The following PDE7B variants were observed in gnomAD, a reference collection of about 807,000 sequenced individuals.
PDE7B encodes phosphodiesterase 7B.
In PDE7B, 29 loss-of-function variants were observed where a neutral mutation model predicts 56.2. The observed-to-expected ratio is 0.52, with a 90% CI of 0.38 to 0.70. The LOEUF (loss-of-function observed/expected upper bound fraction) is 0.70, where lower values mean the gene tolerates loss of function less well. Among genes scored for constraint, PDE7B ranks in the 30% least tolerant of loss-of-function variants. The pLI, the probability that PDE7B is intolerant of heterozygous loss-of-function variation, is 0.00. For synonymous variants in PDE7B, 197 were observed against 196.9 expected (o/e 1.00, Z 0.00); for missense variants, 490 against 565.0 (o/e 0.87, Z 1.35).
At chr6:136,062,428 C>T (rs1285299277) in intron 2 of PDE7B, among the ~76,000 whole-genome samples, 4 of 152,074 alleles carry the variant, frequency 2.6e-5, no homozygotes, top group African/African-American at 7.2e-5. Context: ...GTATAGAATA[C>T]ATTTTTTAAA....
At chr6:136,063,024 T>C (rs1776869695) in intron 2 of PDE7B, among the ~76,000 whole-genome samples, 1 of 152,186 alleles carries the variant, frequency 6.6e-6, no homozygotes, top group Non-Finnish European at 1.5e-5. Flanking sequence ...CTGAGACAGA[T>C]TGAGAGACAA....
chr6:135,965,804 G>C (rs1025123848), intron 2 of PDE7B, among the ~76,000 whole-genome samples: 4 of 152,102 alleles, frequency 2.6e-5, no homozygotes, highest in African/African-American at 9.7e-5. Flanking sequence ...AAGGAATGAG[G>C]ATTAGGAGAC....
intron 2 of PDE7B, among the ~76,000 whole-genome samples, chr6:136,027,545 A>C (rs899322481): frequency 6.6e-6 from 1 of 152,218 alleles, no homozygotes; most frequent in African/African-American, 2.4e-5. Context: ...GTGTGAAGTA[A>C]AAATTTCTAA....
chr6:135,950,404 T>C (rs1353925793), intron 2 of PDE7B, among the ~76,000 whole-genome samples: 1 of 152,208 alleles, frequency 6.6e-6, no homozygotes, highest in Non-Finnish European at 1.5e-5. Context: ...ATAAGGAGTC[T>C]CTGATATTGT....
intron 2 of PDE7B, among the ~76,000 whole-genome samples, chr6:135,990,135 G>A (rs1366897935): frequency 2.1e-5 from 3 of 143,540 alleles, no homozygotes; most frequent in Non-Finnish European, 4.5e-5. Flanking sequence ...TCGCTCTATC[G>A]CCCAGGCTGG....
chr6:135,947,821 G>T (rs921236199), intron 2 of PDE7B, among the ~76,000 whole-genome samples: 5 of 151,910 alleles, frequency 3.3e-5, no homozygotes, highest in African/African-American at 1.2e-4. Flanking sequence ...ATGATGAAAA[G>T]GTAAGAACCA....
intron 2 of PDE7B, among the ~76,000 whole-genome samples, chr6:136,055,220 A>G (rs2128211803): frequency 6.6e-6 from 1 of 152,350 alleles, no homozygotes; most frequent in South Asian, 2.1e-4. Flanking sequence ...ATAATGGTAG[A>G]TATGCCCATG....
chr6:136,145,528 C>G (rs1173493592), intron 3 of PDE7B, among the ~76,000 whole-genome samples: 1 of 152,156 alleles, frequency 6.6e-6, no homozygotes, highest in Non-Finnish European at 1.5e-5. Context: ...GTTGCTACTT[C>G]TAGGCACTTC....
chr6:135,972,233 C>CAAAAAAAAAAAAAAACAAAAAAAAAAA (rs1775105135), intron 2 of PDE7B, among the ~76,000 whole-genome samples: 1 of 65,168 alleles, frequency 1.5e-5, no homozygotes, highest in Non-Finnish European at 2.7e-5. Context: ...AAACTGTTCT[C>CAAAAAAAAAAAAAAACAAAAAAAAAAA]AAAAAAAAAA....
intron 2 of PDE7B, among the ~76,000 whole-genome samples, chr6:136,026,507 A>T (rs1367926028): frequency 6.6e-6 from 1 of 152,228 alleles, no homozygotes; most frequent in Non-Finnish European, 1.5e-5. Context: ...TCTTCAATTC[A>T]TCGGACTTAA....
chr6:136,084,966 T>A (rs1777266466), intron 2 of PDE7B, among the ~76,000 whole-genome samples: 2 of 152,076 alleles, frequency 1.3e-5, no homozygotes, highest in Admixed American at 1.3e-4. Context: ...CTCCTCCACC[T>A]ATCCCCTTCA....
At chr6:135,994,780 T>A (rs146968525) in intron 2 of PDE7B, among the ~76,000 whole-genome samples, 1 of 152,338 alleles carries the variant, frequency 6.6e-6, no homozygotes, top group African/African-American at 2.4e-5. Flanking sequence ...CAAATACGTA[T>A]TAAACAATTC....
intron 2 of PDE7B, among the ~76,000 whole-genome samples, chr6:136,079,726 CAAAAAA>C (rs35447604): frequency 1.1e-5 from 1 of 94,438 alleles, no homozygotes; most frequent in African/African-American, 3.5e-5. Flanking sequence ...ATTAGGAAGA[CAAAAAA>C]AAAAAAAAAA....
chr6:135,920,214 T>G (rs1187184253), intron 1 of PDE7B, among the ~76,000 whole-genome samples: 1 of 152,188 alleles, frequency 6.6e-6, no homozygotes, highest in Non-Finnish European at 1.5e-5. Context: ...CATAATGCAT[T>G]TCTATAAATA....
chr6:136,100,680 G>C (rs564981981), intron 2 of PDE7B, among the ~76,000 whole-genome samples: 5 of 152,266 alleles, frequency 3.3e-5, no homozygotes, highest in African/African-American at 1.2e-4. Flanking sequence ...TGAGACTGTG[G>C]GGTTTTCTAA....
At chr6:136,049,219 C>G (rs1227677734) in intron 2 of PDE7B, 1 of 152,448 alleles carries the variant, frequency 6.6e-6, no homozygotes, top group Non-Finnish European at 1.5e-5. Flanking sequence ...CCTTCCTCCT[C>G]TGCCTCCCAA....
chr6:135,891,846 C>G (rs1040214410), intron 1 of PDE7B, among the ~76,000 whole-genome samples: 10 of 152,122 alleles, frequency 6.6e-5, no homozygotes, highest in Non-Finnish European at 1.2e-4. Context: ...CCTCTGCTGT[C>G]TGTAGCATAG....
chr6:135,915,119 G>A (rs1322034129), intron 1 of PDE7B, among the ~76,000 whole-genome samples: 1 of 151,028 alleles, frequency 6.6e-6, no homozygotes, highest in Non-Finnish European at 1.5e-5. Flanking sequence ...TATTCCTATT[G>A]TTGCATTCAT....
intron 1 of PDE7B, among the ~76,000 whole-genome samples, chr6:135,935,767 A>C (rs1774410056): frequency 6.6e-6 from 1 of 152,214 alleles, no homozygotes; most frequent in African/African-American, 2.4e-5. Flanking sequence ...CAGCTTATAA[A>C]ACCTGTCAGT....
Sources: allele counts gnomAD v4.1 joint callset (sites outside exome capture counted in the v4.1 genomes callset), GRCh38; gene constraint gnomAD v4.1.1; transcripts MANE v1.5; gene names NCBI Gene and HGNC (gene_info 2026-07-23, HGNC 2026-07-21).